FRMD6: variants seen among roughly 807,000 people sequenced by gnomAD.
FRMD6 encodes FERM domain containing 6, also known as FERM domain-containing protein 6.
FRMD6 carries 37 observed loss-of-function variants against 73.2 expected under a neutral mutation model. The observed-to-expected ratio is 0.51, with a 90% confidence interval of 0.39 to 0.66. FRMD6 has a LOEUF of 0.66. FRMD6 is among the 30% of genes least tolerant of loss of function. The pLI is 0.00. For synonymous variants in FRMD6, 273 were observed against 282.2 expected, an observed-to-expected ratio of 0.97 and a Z score of 0.33; for missense variants, 714 against 780.5, an observed-to-expected ratio of 0.91 and a Z score of 1.02.
intron 2 of FRMD6, among the ~76,000 whole-genome samples, chr14:51,617,216 A>G (rs1890750648): frequency 6.6e-6 from 1 of 152,094 alleles, no homozygotes; most frequent in African/African-American, 2.4e-5. Flanking sequence ...ATTTTTACCT[A>G]CCTTTGGAAT....
intron 2 of FRMD6, among the ~76,000 whole-genome samples, chr14:51,638,957 G>C (rs1465834300): frequency 6.7e-6 from 1 of 150,356 alleles, no homozygotes; most frequent in African/African-American, 2.4e-5. Flanking sequence ...TTTGAGCAGG[G>C]ACATATCTTG....
In FRMD6 at chr14:51,702,601, G is replaced by T. The variant is rs962807528; in HGVS notation, c.371+13G>T. Reference sequence around the variant, plus strand: ...GCAGATTGATCAGGTAAGAGGACAGGGGGTGATTCTAAACGCTTTTTTTTC... The same window carrying T: ...GCAGATTGATCAGGTAAGAGGACAGTGGGTGATTCTAAACGCTTTTTTTTC... On this transcript the variant is annotated intron_variant, in intron 5 of 13. Coordinates refer to ENST00000344768, the MANE Select transcript of FRMD6 (RefSeq NM_001267046.2). 5 of 1,603,316 alleles carry T rather than the reference G, an allele frequency of 3.1e-6. No homozygotes were observed. The highest frequency in any genetic ancestry group is 4.3e-6 in the Non-Finnish European group (5 of 1,173,608).
intron 2 of FRMD6, among the ~76,000 whole-genome samples, chr14:51,638,354 C>G (rs1891664209): frequency 6.6e-6 from 1 of 152,174 alleles, no homozygotes; most frequent in African/African-American, 2.4e-5. Flanking sequence ...GTGCCAATCC[C>G]CAATGCCAGT....
At chr14:51,598,674 T>C (rs1889852684) in intron 2 of FRMD6, among the ~76,000 whole-genome samples, 1 of 152,186 alleles carries the variant, frequency 6.6e-6, no homozygotes, top group South Asian at 2.1e-4. Flanking sequence ...TTTGGTTTTC[T>C]ATCTCTGGGT....
intron 1 of FRMD6, among the ~76,000 whole-genome samples, chr14:51,536,695 G>A (rs113285853): frequency 4.3e-4 from 66 of 152,314 alleles, no homozygotes; most frequent in African/African-American, 1.5e-3. Context: ...GGGATTACAG[G>A]CGTGAGCCAC....
At chr14:51,536,447 C>T (rs765470118) in intron 1 of FRMD6, among the ~76,000 whole-genome samples, 11 of 151,716 alleles carry the variant, frequency 7.3e-5, no homozygotes, top group East Asian at 3.9e-4. Flanking sequence ...GAGGAAGTCT[C>T]GCTCTTGTCC....
intron 1 of FRMD6, among the ~76,000 whole-genome samples, chr14:51,662,321 C>CA (rs1384221555): frequency 1.5e-4 from 23 of 149,536 alleles, no homozygotes; most frequent in Admixed American, 3.3e-4. Context: ...CACATGGGAC[C>CA]AAAAAAAAGA....
At chr14:51,671,650 G>A (rs1894013512) in intron 1 of FRMD6, among the ~76,000 whole-genome samples, 1 of 152,152 alleles carries the variant, frequency 6.6e-6, no homozygotes, top group South Asian at 2.1e-4. Flanking sequence ...TTATGGTGAA[G>A]CTTGGGTGGA....
At chr14:51,613,785 A>T (rs541277353) in intron 2 of FRMD6, among the ~76,000 whole-genome samples, 1 of 152,276 alleles carries the variant, frequency 6.6e-6, no homozygotes, top group African/African-American at 2.4e-5. Flanking sequence ...GTACCATTCA[A>T]CAGAAATACA....
intron 2 of FRMD6, among the ~76,000 whole-genome samples, chr14:51,609,924 C>G (rs1403873261): frequency 6.6e-6 from 1 of 152,206 alleles, no homozygotes. Context: ...CATTCCTCTG[C>G]TCTGCTCAGT....
Position 51,524,167 on chromosome 14 carries a change from TC to T in FRMD6, c.-210+34748del. ...GAATCTGGACCCTGAATCCAGCCTT[TC>T]TAAGTTCAAATCTTGCCTCTCCCCT... is the stretch of plus-strand genomic sequence containing the variant. On this transcript the variant is annotated intron_variant, in intron 1 of 14. Coordinates refer to the FRMD6 transcript ENST00000356218. Among the ~76,000 whole-genome samples, 3 of 152,328 alleles carry T rather than the reference TC, an allele frequency of 2.0e-5. No individual in the cohort carries two copies. In the Middle Eastern group the frequency reaches 0.01, roughly 518 times the overall value.
At chr14:51,595,527 A>G (rs919770750) in intron 2 of FRMD6, among the ~76,000 whole-genome samples, 1 of 152,160 alleles carries the variant, frequency 6.6e-6, no homozygotes, top group East Asian at 1.9e-4. Flanking sequence ...TCATCTCTGG[A>G]GTGAGTGAAG....
At chr14:51,521,872 T>C (rs953242654) in intron 1 of FRMD6, among the ~76,000 whole-genome samples, 2 of 152,250 alleles carry the variant, frequency 1.3e-5, no homozygotes, top group African/African-American at 2.4e-5. Context: ...GCAGAAGTGA[T>C]ATTTATGTAC....
the FRMD6 span, among the ~76,000 whole-genome samples, chr14:51,420,628 C>G: frequency 1.7e-4 from 26 of 152,280 alleles, no homozygotes; most frequent in Admixed American, 1.6e-3. Context: ...CATGAACAGA[C>G]TTTTTCCTTA....
Position 51,701,079 on chromosome 14 carries a change from T to C in FRMD6, c.214T>C (p.Leu72=), listed in dbSNP as rs200529977. ...AGATAATGAACATGTGTATATGGAGTTGTCACAAAAGCTTTACAAATATTG... is the reference window on the plus strand; with the variant it reads ...AGATAATGAACATGTGTATATGGAGCTGTCACAAAAGCTTTACAAATATTG... The part of the protein sequence containing the change: ...IQNNEHVYME[L]SQKLYKYCPK... Residue 72 remains leucine, a synonymous_variant, in exon 4 of 14, where the codon TTG becomes CTG. Transcript: ENST00000344768. The C allele has an allele frequency of 6.4e-7, 1 of 1,570,516 alleles. No homozygotes were observed.
At chr14:51,608,968 G>C (rs1221664433) in intron 2 of FRMD6, among the ~76,000 whole-genome samples, 1 of 152,112 alleles carries the variant, frequency 6.6e-6, no homozygotes, top group Non-Finnish European at 1.5e-5. Flanking sequence ...CCAGCCTTGG[G>C]GGGTGGCTTC....
At chr14:51,621,037 A>C (rs1890907434) in intron 2 of FRMD6, among the ~76,000 whole-genome samples, 1 of 152,176 alleles carries the variant, frequency 6.6e-6, no homozygotes, top group Admixed American at 6.5e-5. Flanking sequence ...CTTTCACATC[A>C]CTACATTCCA....
chr14:51,416,406 A>G, the FRMD6 span, among the ~76,000 whole-genome samples: 1 of 152,196 alleles, frequency 6.6e-6, no homozygotes, highest in Admixed American at 6.5e-5. Flanking sequence ...TCATTTCGTT[A>G]TTTACCCAGT....
chr14:51,528,131 G>A (rs1885368181), intron 1 of FRMD6, among the ~76,000 whole-genome samples: 1 of 152,110 alleles, frequency 6.6e-6, no homozygotes, highest in South Asian at 2.1e-4. Flanking sequence ...GACAGAGCAA[G>A]ACGCTGTCTC....
Sources: allele counts gnomAD v4.1 joint callset (sites outside exome capture counted in the v4.1 genomes callset), GRCh38; gene constraint gnomAD v4.1.1; transcripts MANE v1.5; gene names NCBI Gene and HGNC (gene_info 2026-07-23, HGNC 2026-07-21).